The following ADAMTSL1 variants were observed in gnomAD, a reference collection of about 807,000 sequenced individuals.
The protein encoded by ADAMTSL1 is ADAMTS-like protein 1.
Under a neutral mutation model 201.8 loss-of-function variants are expected in ADAMTSL1, and 126 were observed. The observed-to-expected ratio is 0.62, with a 90% CI of 0.54 to 0.72. The LOEUF is 0.72. Ranked by LOEUF, ADAMTSL1 falls within the 30% of genes least tolerant of loss-of-function variation. ADAMTSL1 has a pLI of 0.00. For synonymous variants in ADAMTSL1, 1,121 were observed against 903.4 expected, an observed-to-expected ratio of 1.24 and a Z score of -4.32; for missense variants, 2,679 against 2,277.8, an observed-to-expected ratio of 1.18 and a Z score of -3.59.
intron 2 of ADAMTSL1, among the ~76,000 whole-genome samples, chr9:18,331,066 CACAA>C (rs2132907357): frequency 6.6e-6 from 1 of 151,750 alleles, no homozygotes; most frequent in East Asian, 2.0e-4. Context: ...GGAGGGTGCT[CACAA>C]ACAGAGGAAG....
At chr9:18,497,772 A>T (rs1025374978) in intron 1 of ADAMTSL1, among the ~76,000 whole-genome samples, 17 of 152,222 alleles carry the variant, frequency 1.1e-4, no homozygotes, top group Non-Finnish European at 2.4e-4. Flanking sequence ...CTGGCTGTGA[A>T]ATTGTGTTCT....
chr9:18,656,677 ATACT>A (rs1264066689), intron 7 of ADAMTSL1, among the ~76,000 whole-genome samples: 1 of 152,026 alleles, frequency 6.6e-6, no homozygotes, highest in Non-Finnish European at 1.5e-5. Context: ...CACTTAACAA[ATACT>A]TAGGGCAAGT....
At chr9:18,314,064 A>G (rs1353665017) in intron 2 of ADAMTSL1, among the ~76,000 whole-genome samples, 3 of 152,190 alleles carry the variant, frequency 2.0e-5, no homozygotes, top group African/African-American at 7.2e-5. Flanking sequence ...AAAAACGCCA[A>G]CAGGTATGTG....
chr9:18,767,291 A>C (rs188497277), intron 16 of ADAMTSL1, among the ~76,000 whole-genome samples: 5 of 152,352 alleles, frequency 3.3e-5, no homozygotes, highest in South Asian at 2.1e-4. Flanking sequence ...TTGTGGTTTC[A>C]GAAAAATTAC....
rs113745024 is a variant in ADAMTSL1, at chr9:17,962,409, T to C, written c.87+55487T>C. Among the ~76,000 whole-genome samples, 549 of 152,318 alleles carry C rather than the reference T, an allele frequency of 3.6e-3. 3 individuals carry two copies. Among genetic ancestry groups the C allele is most frequent in the African/African-American group, 0.013 (520 of 41,584 alleles). On this transcript the variant is annotated intron_variant, in intron 1 of 29. Transcript: ENST00000680146. ...ACAGTATCAAGCGTTATTATGTGTC[T>C]ATGAAAATAAGCCCTAGTTAGAGTG...
intron 1 of ADAMTSL1, among the ~76,000 whole-genome samples, chr9:18,144,162 C>T (rs1028086768): frequency 6.6e-6 from 1 of 151,714 alleles, no homozygotes; most frequent in African/African-American, 2.4e-5. Context: ...ATGGGATACA[C>T]TTTGCATGTC....
rs140780318 is a variant in ADAMTSL1 at position 18,269,684 on chromosome 9, A to G, written c.207+105703A>G. Among the ~76,000 whole-genome samples, 298 of 152,228 alleles carry G rather than the reference A, an allele frequency of 2.0e-3. 3 individuals carry two copies. Among genetic ancestry groups the G allele is most frequent in the African/African-American group, 6.4e-3 (265 of 41,552 alleles). On this transcript the variant is annotated intron_variant, in intron 2 of 29. Coordinates refer to the ADAMTSL1 transcript ENST00000680146. Reference sequence around the variant, plus strand: ...TACTTGAAAATGTGGTGAACCATAAAAGGCCATTTCCTTGGAAAAGAGTAT... The same window carrying G: ...TACTTGAAAATGTGGTGAACCATAAGAGGCCATTTCCTTGGAAAAGAGTAT...
intron 2 of ADAMTSL1, among the ~76,000 whole-genome samples, chr9:18,245,109 T>C (rs1307500888): frequency 6.6e-6 from 1 of 152,084 alleles, no homozygotes; most frequent in Non-Finnish European, 1.5e-5. Flanking sequence ...AGGTGTTAGA[T>C]CAGGGAATTC....
intron 2 of ADAMTSL1, among the ~76,000 whole-genome samples, chr9:18,416,349 C>T (rs1407199963): frequency 1.3e-5 from 2 of 151,666 alleles, no homozygotes; most frequent in African/African-American, 4.8e-5. Flanking sequence ...AAAATTTTAG[C>T]TGATAGACCT....
chr9:18,241,741 A>G (rs1397393944), intron 2 of ADAMTSL1, among the ~76,000 whole-genome samples: 1 of 152,156 alleles, frequency 6.6e-6, no homozygotes, highest in East Asian at 1.9e-4. Flanking sequence ...TATTATGAGC[A>G]GTTATATACC....
chr9:18,866,405 T>A (rs1827544848), intron 23 of ADAMTSL1, among the ~76,000 whole-genome samples: 1 of 152,160 alleles, frequency 6.6e-6, no homozygotes, highest in Admixed American at 6.5e-5. Context: ...GAACACAAAG[T>A]TTTTATAAAA....
intron 23 of ADAMTSL1, among the ~76,000 whole-genome samples, chr9:18,840,695 A>G (rs1201103154): frequency 6.6e-6 from 1 of 151,362 alleles, no homozygotes; most frequent in African/African-American, 2.4e-5. Context: ...ATTTGTTTGT[A>G]TCCTCTTTTA....
chr9:18,690,922 C>T (rs879753667), intron 13 of ADAMTSL1, among the ~76,000 whole-genome samples: 2 of 152,146 alleles, frequency 1.3e-5, no homozygotes, highest in African/African-American at 4.8e-5. Flanking sequence ...CTAAACTTAC[C>T]TATAAATCCC....
chr9:18,717,483 C>A (rs1272345157), intron 14 of ADAMTSL1, among the ~76,000 whole-genome samples: 2 of 151,878 alleles, frequency 1.3e-5, no homozygotes, highest in Admixed American at 6.6e-5. Flanking sequence ...ATAATAGTGA[C>A]CTTAAATTTC....
At chr9:18,198,197 G>C (rs1202271385) in intron 2 of ADAMTSL1, among the ~76,000 whole-genome samples, 4 of 151,838 alleles carry the variant, frequency 2.6e-5, no homozygotes, top group Non-Finnish European at 4.4e-5. Context: ...CATAGGCATG[G>C]GCAAGGACTT....
At chr9:18,792,595 T>A (rs1041123742) in intron 19 of ADAMTSL1, among the ~76,000 whole-genome samples, 4 of 152,250 alleles carry the variant, frequency 2.6e-5, no homozygotes, top group African/African-American at 9.6e-5. Flanking sequence ...CTGAGTTCCA[T>A]CATTCTCAGT....
chr9:18,402,184 C>T (rs533920613), intron 2 of ADAMTSL1, among the ~76,000 whole-genome samples: 4 of 152,254 alleles, frequency 2.6e-5, no homozygotes, highest in African/African-American at 4.8e-5. Context: ...CTGCTTTGCT[C>T]GATTATTTAT....
chr9:18,766,541 G>T (rs1265098320), intron 16 of ADAMTSL1, among the ~76,000 whole-genome samples: 1 of 152,156 alleles, frequency 6.6e-6, no homozygotes, highest in African/African-American at 2.4e-5. Context: ...CATTCCGGCT[G>T]CTAAAACAAA....
chr9:18,764,104 T>A (rs1820231748), intron 16 of ADAMTSL1, among the ~76,000 whole-genome samples: 1 of 152,204 alleles, frequency 6.6e-6, no homozygotes, highest in African/African-American at 2.4e-5. Flanking sequence ...TATTTTACCA[T>A]ATTGATCCTT....
Sources: allele counts gnomAD v4.1 joint callset (sites outside exome capture counted in the v4.1 genomes callset), GRCh38; gene constraint gnomAD v4.1.1; transcripts MANE v1.5; gene names NCBI Gene and HGNC (gene_info 2026-07-23, HGNC 2026-07-21).